FHAD1: variants seen among roughly 807,000 people sequenced by gnomAD.
The protein encoded by FHAD1 is forkhead-associated domain-containing protein 1.
A neutral mutation model predicts 191.3 loss-of-function variants in FHAD1; 146 were observed. That is an observed-to-expected ratio of 0.76 (90% CI 0.67 to 0.88). The LOEUF (loss-of-function observed/expected upper bound fraction) is 0.88, where lower values mean the gene tolerates loss of function less well. FHAD1 is among the 40% of genes least tolerant of loss of function. The pLI, the probability that FHAD1 is intolerant of heterozygous loss-of-function variation, is 0.00. For synonymous variants in FHAD1, 616 were observed against 672.3 expected, an observed-to-expected ratio of 0.92 and a Z score of 1.29; for missense variants, 1,635 against 1,785.8, an observed-to-expected ratio of 0.92 and a Z score of 1.52.
At chr1:15,273,175 A>G (rs986274607) in intron 3 of FHAD1, among the ~76,000 whole-genome samples, 11 of 152,244 alleles carry the variant, frequency 7.2e-5, no homozygotes, top group African/African-American at 2.6e-4. Context: ...AGGATGCACA[A>G]TATCTCTATT....
rs572268994 is a variant in FHAD1, at chr1:15,337,351, A to AG, written c.1907-2128dup. ...CCTGTCTCTCTCCCGTCTGATGACG[A>AG]GGCCACCATTCTACCCCTTTAAAAG... On this transcript the variant is annotated intron_variant, in intron 14 of 33. Transcript: ENST00000688493. 3.1e-4 allele frequency among the ~76,000 whole-genome samples: 47 copies of AG among 152,278 alleles called. No individual in the cohort carries two copies. The South Asian group carries it at 9.7e-3, about 32-fold the overall frequency.
intron 2 of FHAD1, among the ~76,000 whole-genome samples, chr1:15,254,580 T>C (rs1434239155): frequency 6.6e-6 from 1 of 152,192 alleles, no homozygotes; most frequent in Middle Eastern, 3.2e-3. Flanking sequence ...ATTATATATA[T>C]AGACAGAAAT....
intron 26 of FHAD1, among the ~76,000 whole-genome samples, chr1:15,371,480 G>A (rs1698071673): frequency 6.6e-6 from 1 of 152,130 alleles, no homozygotes; most frequent in East Asian, 1.9e-4. Flanking sequence ...CTTAAGAGTT[G>A]TATGAGAAAG....
intron 3 of FHAD1, among the ~76,000 whole-genome samples, chr1:15,285,848 A>G (rs1390000056): frequency 6.6e-6 from 1 of 152,254 alleles, no homozygotes; most frequent in African/African-American, 2.4e-5. Context: ...CTGTCCATGC[A>G]ATGGAATATT....
chr1:15,253,461 G>A lies in FHAD1; in HGVS notation c.93+1584G>A, dbSNP rs188568719. Among the ~76,000 whole-genome samples, 23 of 152,196 alleles carry A rather than the reference G, an allele frequency of 1.5e-4. No individual in the cohort carries two copies. In the East Asian group the frequency reaches 2.9e-3, roughly 19 times the overall value. ...ATCCATGAAAATGGTATGTTTCTGCGTTGATTTAGATCTTCTTTGGTTTCT... is the reference window on the plus strand; with the variant it reads ...ATCCATGAAAATGGTATGTTTCTGCATTGATTTAGATCTTCTTTGGTTTCT... On this transcript the variant is annotated intron_variant, in intron 2 of 33. Coordinates refer to ENST00000688493, the MANE Select transcript of FHAD1 (RefSeq NM_001391957.1).
At position 15,325,320 on chromosome 1, in the gene FHAD1, C is replaced by CGTGTGT. The variant is rs551837280; in HGVS notation, c.1473+765_1473+770dup. The CGTGTGT allele has an allele frequency of 9.2e-5, 14 of 151,920 alleles. No homozygotes were observed. The highest frequency in any genetic ancestry group is 2.9e-4 in the African/African-American group (12 of 41,408). 9.4% of individuals were successfully genotyped at this position (151,920 alleles called of 1,614,324 possible). A position where few individuals can be genotyped will look rare whatever the true frequency, so the allele number is the denominator to read the frequency against. On this transcript the variant is annotated intron_variant, in intron 11 of 33. Transcript: ENST00000688493. This position sits in a 1 kb window ranked among gnomAD's most constrained non-coding sequence, Gnocchi z 4.6. ...ATCCACAGAATGGTTTGCACACACACGTGTGTGTGCGTGTGTGTGTGTGTA... is the reference window on the plus strand; with the variant it reads ...ATCCACAGAATGGTTTGCACACACACGTGTGTGTGTGTGTGCGTGTGTGTGTGTGTA...
At chr1:15,387,954 G>A in intron 31 of FHAD1, 97 bp from the exon 32 acceptor site, 1 of 517,476 alleles carries the variant, frequency 1.9e-6, no homozygotes, top group Admixed American at 2.5e-5. Flanking sequence ...GTGAGTCCCA[G>A]CGTCTCCTAG....
chr1:15,372,323 G>C (rs1698338012), intron 26 of FHAD1, among the ~76,000 whole-genome samples: 1 of 152,196 alleles, frequency 6.6e-6, no homozygotes, highest in Non-Finnish European at 1.5e-5. Context: ...CCTGGTGGCA[G>C]TGTGGCTAGC....
At chr1:15,275,304 T>A (rs1180426847) in intron 3 of FHAD1, among the ~76,000 whole-genome samples, 2 of 152,210 alleles carry the variant, frequency 1.3e-5, no homozygotes, top group African/African-American at 2.4e-5. Context: ...ACATGAATTT[T>A]AAAAATTCTT....
At chr1:15,251,246 C>A (rs2100769304) in intron 1 of FHAD1, among the ~76,000 whole-genome samples, 1 of 150,596 alleles carries the variant, frequency 6.6e-6, no homozygotes, top group South Asian at 2.1e-4. Context: ...TGCCCTGCAG[C>A]CTGGATGACA....
intron 14 of FHAD1, among the ~76,000 whole-genome samples, chr1:15,338,072 A>G (rs1185621271): frequency 1.3e-5 from 2 of 150,720 alleles, no homozygotes; most frequent in Non-Finnish European, 3.0e-5. Flanking sequence ...CCCATCATCT[A>G]CTCCAGCCCA....
At chr1:15,279,883 G>A (rs909948247) in intron 3 of FHAD1, among the ~76,000 whole-genome samples, 29 of 152,034 alleles carry the variant, frequency 1.9e-4, no homozygotes, top group Non-Finnish European at 5.9e-5. Context: ...GCAATGTAGG[G>A]AGGAAAAACA....
chr1:15,264,202 T>C (rs1652425734), intron 2 of FHAD1, among the ~76,000 whole-genome samples: 1 of 152,200 alleles, frequency 6.6e-6, no homozygotes, highest in Non-Finnish European at 1.5e-5. Flanking sequence ...AAGATTGCAT[T>C]AAATCTGTAG....
At chr1:15,364,871 C>T (rs999886208) in intron 23 of FHAD1, among the ~76,000 whole-genome samples, 7 of 152,172 alleles carry the variant, frequency 4.6e-5, no homozygotes, top group Non-Finnish European at 8.8e-5. Context: ...TCCTGCTGGG[C>T]GCCCTTCACC....
chr1:15,252,021 A>G (rs538979806), intron 2 of FHAD1, 144 bp downstream of exon 2: 1 of 703,600 alleles, frequency 1.4e-6, no homozygotes, highest in Admixed American at 2.9e-5. Context: ...TGTGCTACCA[A>G]TAGCCAGTTG....
Position 15,326,740 on chromosome 1 carries a change from C to T in FHAD1, c.1474-319C>T, listed in dbSNP as rs781096651. On this transcript the variant is annotated intron_variant, in intron 11 of 33. Coordinates refer to ENST00000688493, the MANE Select transcript of FHAD1 (RefSeq NM_001391957.1). ...TGCCAACTTAGCAATTACGGAAGAG[C>T]GCTCCCGGCCCCAGACTTCCCATTG... 2.3e-4 allele frequency: 51 copies of T among 224,198 alleles called. 1 individual carries two copies. Among genetic ancestry groups the T allele is most frequent in the Admixed American group, 2.3e-4 (4 of 17,410 alleles). The allele number at this position is 224,198 out of a possible 1,614,324, so 13.9% of individuals were successfully genotyped here. A position where few individuals can be genotyped will look rare whatever the true frequency, so the allele number is the denominator to read the frequency against.
intron 1 of FHAD1, among the ~76,000 whole-genome samples, chr1:15,238,440 G>A (rs1194175333): frequency 2.0e-5 from 3 of 152,134 alleles, no homozygotes; most frequent in Non-Finnish European, 2.9e-5. Context: ...TTGGCTTGCT[G>A]TTGATGGAAA....
intron 8 of FHAD1, among the ~76,000 whole-genome samples, chr1:15,314,873 G>A (rs1673791531): frequency 7.2e-6 from 1 of 138,856 alleles, no homozygotes; most frequent in South Asian, 2.4e-4. Context: ...TGGGTGTGGT[G>A]TGGTATGGGG....
At position 15,329,393 on chromosome 1, in the gene FHAD1, CG is replaced by C. The variant is rs1558128976; in HGVS notation, c.1759del (p.Asp587ThrfsTer8). 6.4e-7 allele frequency: 1 copy of C among 1,550,832 alleles called. No individual in the cohort carries two copies. ...GCAGCCATGACCTGAAGAAGGAGGTCGACCTTCTTCAGCACCTCCAGGTGAG... is the reference window on the plus strand; with the variant it reads ...GCAGCCATGACCTGAAGAAGGAGGTCACCTTCTTCAGCACCTCCAGGTGAG... ...CCSHDLKKEV[D>X]LLQHLQVSPP... On this transcript the variant is annotated frameshift_variant, in exon 14 of 34. Coordinates refer to ENST00000688493, the MANE Select transcript of FHAD1 (RefSeq NM_001391957.1). LOFTEE classifies it high-confidence loss of function. This position sits in a 1 kb window ranked among gnomAD's most constrained non-coding sequence, Gnocchi z 5.0.
Sources: gnomAD v4.1 joint callset for allele counts (sites outside exome capture counted in the v4.1 genomes callset) on GRCh38, gnomAD v4.1.1 for gene constraint, Gnocchi (gnomAD v3.1) non-coding constraint, MANE v1.5 for transcripts, NCBI Gene and HGNC (gene_info 2026-07-23, HGNC 2026-07-21) for gene names.